The following RBFOX1 variants were observed in gnomAD, a reference collection of about 807,000 sequenced individuals.
The protein encoded by RBFOX1 is RNA binding protein fox-1 homolog 1.
In RBFOX1, 8 loss-of-function variants were observed where a neutral mutation model predicts 57.7. The ratio of observed to expected loss-of-function variants is 0.14; its 90% CI spans 0.08 to 0.25. RBFOX1 has a LOEUF of 0.25. RBFOX1 is among the 10% of genes least tolerant of loss of function. RBFOX1 has a pLI of 1.00. For synonymous variants in RBFOX1, 326 were observed against 222.4 expected, an observed-to-expected ratio of 1.47 and a Z score of -4.15; for missense variants, 611 against 548.5, an observed-to-expected ratio of 1.11 and a Z score of -1.14.
intron 1 of RBFOX1, among the ~76,000 whole-genome samples, chr16:6,222,396 G>A (rs556893582): frequency 6.6e-6 from 1 of 151,986 alleles, no homozygotes; most frequent in Non-Finnish European, 1.5e-5. Context: ...GGTTAGACAA[G>A]AGTGATGTAC....
intron 3 of RBFOX1, among the ~76,000 whole-genome samples, chr16:6,944,918 G>C (rs2079200528): frequency 6.6e-6 from 1 of 152,160 alleles, no homozygotes; most frequent in African/African-American, 2.4e-5. Context: ...TAGCTATTCT[G>C]TCTGTAAGGA....
At chr16:6,771,779 A>G (rs574363652) in intron 3 of RBFOX1, among the ~76,000 whole-genome samples, 2 of 152,268 alleles carry the variant, frequency 1.3e-5, no homozygotes, top group South Asian at 2.1e-4. Flanking sequence ...ACAGCCCCCT[A>G]TGACAATAAG....
chr16:5,652,921 C>G (rs1251480377), intron 3 of RBFOX1, among the ~76,000 whole-genome samples: 3 of 152,186 alleles, frequency 2.0e-5, no homozygotes, highest in Non-Finnish European at 2.9e-5. Flanking sequence ...GCATCTTACC[C>G]TTCCTTTCTC....
chr16:5,385,325 T>C (rs1256195028), intron 1 of RBFOX1, among the ~76,000 whole-genome samples: 1 of 152,238 alleles, frequency 6.6e-6, no homozygotes, highest in Admixed American at 6.5e-5. Context: ...GAGCCTTTAC[T>C]ATTTACCTGT....
At chr16:7,280,198 T>C (rs934973759) in intron 4 of RBFOX1, among the ~76,000 whole-genome samples, 3 of 152,244 alleles carry the variant, frequency 2.0e-5, no homozygotes, top group Non-Finnish European at 4.4e-5. Context: ...TAAATTCAGC[T>C]GTTTTCCTCA....
intron 4 of RBFOX1, chr16:7,509,980 T>TTA: frequency 5.4e-6 from 1 of 186,276 alleles, no homozygotes; most frequent in Non-Finnish European, 1.0e-5. Flanking sequence ...TTTTTTTTTT[T>TTA]CCCTTCCTCC....
chr16:6,814,120 G>A (rs1022645465), intron 3 of RBFOX1, among the ~76,000 whole-genome samples: 3 of 152,046 alleles, frequency 2.0e-5, no homozygotes, highest in Non-Finnish European at 4.4e-5. Context: ...CCCACATAGG[G>A]AGCTTATTTA....
intron 4 of RBFOX1, among the ~76,000 whole-genome samples, chr16:5,957,168 A>G (rs1816038753): frequency 6.6e-6 from 1 of 152,148 alleles, no homozygotes; most frequent in Non-Finnish European, 1.5e-5. Context: ...TTCTTAGGTG[A>G]TTGATATGCT....
At chr16:7,337,084 T>G (rs181624177) in intron 4 of RBFOX1, among the ~76,000 whole-genome samples, 20 of 152,268 alleles carry the variant, frequency 1.3e-4, no homozygotes, top group African/African-American at 4.8e-4. Flanking sequence ...AGGTAAGAAA[T>G]TGCAGTCATG....
chr16:7,016,437 G>T (rs1289786388), intron 3 of RBFOX1, among the ~76,000 whole-genome samples: 1 of 152,108 alleles, frequency 6.6e-6, no homozygotes, highest in East Asian at 1.9e-4. Flanking sequence ...ATTTAAATCT[G>T]GGCTCATGTT....
intron 3 of RBFOX1, among the ~76,000 whole-genome samples, chr16:7,046,562 A>G (rs994695007): frequency 1.3e-3 from 200 of 148,446 alleles, no homozygotes; most frequent in African/African-American, 4.9e-3. Flanking sequence ...AAAGTTTATC[A>G]CCACGTATGC....
At position 5,453,380 on chromosome 16, in the gene RBFOX1, C is replaced by T. The variant is rs2068486803; in HGVS notation, c.220-13836C>T. On this transcript the variant is annotated intron_variant, in intron 1 of 2. Transcript: ENST00000585867. The stretch of plus-strand genomic sequence containing the variant: ...GGAAGTGCATTAAAGATCTTAGATT[C>T]AACTAAACATTTAGATTCATAAGAA... 2.0e-5 allele frequency among the ~76,000 whole-genome samples: 3 copies of T among 152,062 alleles called. No homozygotes were observed. In the South Asian group the frequency reaches 6.2e-4, roughly 32 times the overall value.
At chr16:6,827,736 C>T (rs76751089) in intron 3 of RBFOX1, among the ~76,000 whole-genome samples, 7,327 of 152,234 alleles carry the variant, frequency 0.048, 292 homozygotes, top group East Asian at 0.19. Flanking sequence ...TGATCCCCTA[C>T]ATGGATCTCC....
chr16:7,702,306 C>T (rs191656283), intron 14 of RBFOX1, among the ~76,000 whole-genome samples: 74 of 152,300 alleles, frequency 4.9e-4, no homozygotes, highest in Middle Eastern at 3.4e-3. Context: ...TTCTGGGCTA[C>T]ATTTCTTTGT....
chr16:6,484,829 G>A (rs1256993030), intron 2 of RBFOX1, among the ~76,000 whole-genome samples: 4 of 152,166 alleles, frequency 2.6e-5, no homozygotes, highest in South Asian at 2.1e-4. Flanking sequence ...GTGTCTTCAC[G>A]TAGAAGAATT....
chr16:7,344,101 CTTTTTTTTT>C (rs61008217), intron 4 of RBFOX1, among the ~76,000 whole-genome samples: 6 of 90,612 alleles, frequency 6.6e-5, no homozygotes, highest in East Asian at 3.4e-4. Context: ...CTCAGCTTTA[CTTTTTTTTT>C]TTTTTTTTTT....
At chr16:6,944,825 G>C (rs1366051967) in intron 3 of RBFOX1, among the ~76,000 whole-genome samples, 1 of 152,164 alleles carries the variant, frequency 6.6e-6, no homozygotes, top group Non-Finnish European at 1.5e-5. Context: ...GGAGGGCTTT[G>C]GGTATGATTT....
intron 3 of RBFOX1, among the ~76,000 whole-genome samples, chr16:7,038,738 C>A (rs956116205): frequency 9.2e-5 from 14 of 152,206 alleles, no homozygotes; most frequent in African/African-American, 3.4e-4. Context: ...CTGCCTGGGG[C>A]TGCCATGTCT....
chr16:7,574,683 G>C (rs1348067743), intron 5 of RBFOX1, among the ~76,000 whole-genome samples: 1 of 152,136 alleles, frequency 6.6e-6, no homozygotes, highest in Non-Finnish European at 1.5e-5. Context: ...TTGAGGGTGG[G>C]TTGGCCAGTC....
Sources: allele counts gnomAD v4.1 joint callset (sites outside exome capture counted in the v4.1 genomes callset), GRCh38; gene constraint gnomAD v4.1.1; transcripts MANE v1.5; gene names NCBI Gene and HGNC (gene_info 2026-07-23, HGNC 2026-07-21).